COL25A1: variants seen among roughly 807,000 people sequenced by gnomAD.
COL25A1 encodes the protein collagen type XXV alpha 1 chain, also known as collagen alpha-1(XXV) chain.
In COL25A1, 103 loss-of-function variants were observed where a neutral mutation model predicts 128.4. The ratio of observed to expected loss-of-function variants is 0.80; its 90% CI spans 0.68 to 0.94. The LOEUF is 0.94. COL25A1 is among the 40% of genes least tolerant of loss of function. COL25A1 has a pLI of 0.00. For synonymous variants in COL25A1, 279 were observed against 277.2 expected (o/e 1.01, Z -0.06); for missense variants, 745 against 840.0 (o/e 0.89, Z 1.40).
At chr4:108,878,412 G>A (rs911535329) in intron 19 of COL25A1, among the ~76,000 whole-genome samples, 2 of 151,782 alleles carry the variant, frequency 1.3e-5, no homozygotes, top group Non-Finnish European at 2.9e-5. Context: ...CTTGATTAAC[G>A]TGTCTTGACA....
intron 6 of COL25A1, among the ~76,000 whole-genome samples, chr4:108,975,966 A>G (rs1270608477): frequency 6.6e-6 from 1 of 152,098 alleles, no homozygotes; most frequent in Non-Finnish European, 1.5e-5. Context: ...TGTCAGATAT[A>G]TTTACTGCAA....
At chr4:109,300,693 T>G in intron 2 of COL25A1, 41 bp from the exon 3 acceptor site, 1 of 1,381,076 alleles carries the variant, frequency 7.2e-7, no homozygotes, top group South Asian at 1.2e-5. Context: ...TCAGTAGCAC[T>G]GTAGAGGGAT....
At chr4:109,207,505 G>GACAA (rs1777111272) in intron 3 of COL25A1, among the ~76,000 whole-genome samples, 1 of 152,132 alleles carries the variant, frequency 6.6e-6, no homozygotes, top group South Asian at 2.1e-4. Flanking sequence ...TTAAGATATA[G>GACAA]CTCGGGTGTT....
rs112431970 is a variant in COL25A1 at position 109,156,068 on chromosome 4, G to T, written c.368-105889C>A. Among the ~76,000 whole-genome samples the T allele has an allele frequency of 4.6e-5, 7 of 152,278 alleles. 1 individual carries two copies. The highest frequency in any genetic ancestry group is 1.7e-4 in the African/African-American group (7 of 41,562). On this transcript the variant is annotated intron_variant, in intron 3 of 37. Coordinates refer to ENST00000399132, the MANE Select transcript of COL25A1 (RefSeq NM_198721.4). ...CAAGAGGCAGAACTGAGCTGATGCT[G>T]TCAACTGCCGGTGCTGTAGCTCCAA...
At chr4:109,229,316 T>C (rs1416257016) in intron 3 of COL25A1, among the ~76,000 whole-genome samples, 2 of 152,326 alleles carry the variant, frequency 1.3e-5, no homozygotes, top group Admixed American at 1.3e-4. Flanking sequence ...TCTGAACCAT[T>C]GCTCCTAGGG....
intron 5 of COL25A1, among the ~76,000 whole-genome samples, chr4:109,028,580 G>A (rs900167878): frequency 6.6e-6 from 1 of 152,102 alleles, no homozygotes; most frequent in African/African-American, 2.4e-5. Context: ...ACAAAAATTA[G>A]CTGGGCATGG....
intron 5 of COL25A1, among the ~76,000 whole-genome samples, chr4:109,046,352 C>A (rs897988196): frequency 6.6e-6 from 1 of 152,054 alleles, no homozygotes; most frequent in Admixed American, 6.6e-5. Flanking sequence ...CTCAAGAAAG[C>A]GAGAGCTATA....
At chr4:108,945,418 C>A (rs1748611695) in intron 8 of COL25A1, among the ~76,000 whole-genome samples, 1 of 152,170 alleles carries the variant, frequency 6.6e-6, no homozygotes, top group African/African-American at 2.4e-5. Context: ...TGTGGCCATA[C>A]CTGCTAGGCT....
chr4:109,292,222 C>T (rs745418102), intron 3 of COL25A1, among the ~76,000 whole-genome samples: 44 of 152,180 alleles, frequency 2.9e-4, no homozygotes, highest in Middle Eastern at 3.4e-3. Flanking sequence ...GTGTAGCTAA[C>T]ATTGCTTCCA....
At chr4:109,021,952 C>G (rs138153039) in intron 5 of COL25A1, among the ~76,000 whole-genome samples, 1 of 152,140 alleles carries the variant, frequency 6.6e-6, no homozygotes, top group African/African-American at 2.4e-5. Context: ...TTCTGTTTAT[C>G]AAGACAATAC....
At chr4:108,880,777 G>T (rs771372999) in intron 19 of COL25A1, among the ~76,000 whole-genome samples, 1 of 152,134 alleles carries the variant, frequency 6.6e-6, no homozygotes, top group Non-Finnish European at 1.5e-5. Flanking sequence ...GCTCTATCCT[G>T]CTTACTGCTA....
intron 3 of COL25A1, among the ~76,000 whole-genome samples, chr4:109,167,860 T>A (rs1191971975): frequency 6.6e-6 from 1 of 152,160 alleles, no homozygotes; most frequent in Non-Finnish European, 1.5e-5. Flanking sequence ...AAAAAACTCA[T>A]CTATAATTTC....
chr4:108,961,162 G>T (rs921550148), intron 8 of COL25A1, among the ~76,000 whole-genome samples: 3 of 152,056 alleles, frequency 2.0e-5, no homozygotes, highest in Admixed American at 6.6e-5. Flanking sequence ...ACAAGAATAG[G>T]TTCACATTTG....
chr4:109,246,712 C>T (rs1419001745), intron 3 of COL25A1, among the ~76,000 whole-genome samples: 1 of 152,008 alleles, frequency 6.6e-6, no homozygotes, highest in Non-Finnish European at 1.5e-5. Context: ...ATTCTATTCT[C>T]TTTTTCTTAC....
chr4:108,856,569 C>T (rs553972083), intron 24 of COL25A1, among the ~76,000 whole-genome samples: 27 of 152,036 alleles, frequency 1.8e-4, no homozygotes, highest in Non-Finnish European at 3.5e-4. Flanking sequence ...TTCACTAGAG[C>T]ACTATGTTAG....
At chr4:109,180,597 G>A (rs1025973032) in intron 3 of COL25A1, among the ~76,000 whole-genome samples, 7 of 151,928 alleles carry the variant, frequency 4.6e-5, no homozygotes, top group South Asian at 2.1e-4. Context: ...TGGTGATAAC[G>A]ATGATGATTA....
At chr4:108,952,948 C>T (rs1749638285) in intron 8 of COL25A1, among the ~76,000 whole-genome samples, 1 of 136,852 alleles carries the variant, frequency 7.3e-6, no homozygotes, top group Non-Finnish European at 1.5e-5. Context: ...ATTTGCTAAA[C>T]ATCCTTTGTT....
At chr4:109,289,718 C>T (rs1401645698) in intron 3 of COL25A1, among the ~76,000 whole-genome samples, 3 of 152,038 alleles carry the variant, frequency 2.0e-5, no homozygotes, top group Non-Finnish European at 4.4e-5. Context: ...GGGGAGCCCC[C>T]TGAGTAGAAT....
At position 109,170,449 on chromosome 4, in the gene COL25A1, A is replaced by C. The variant is rs191550048; in HGVS notation, c.368-120270T>G. Among the ~76,000 whole-genome samples the C allele has an allele frequency of 1.2e-4, 18 of 152,240 alleles. No homozygotes were observed. In the East Asian group the frequency reaches 3.3e-3, roughly 28 times the overall value. On this transcript the variant is annotated intron_variant, in intron 3 of 37. Transcript: ENST00000399132. ...AGTTTGAACACCAATATTCAGTGTGAACTCTTACTGTCTATGAATGCCTAA... is the reference window on the plus strand; with the variant it reads ...AGTTTGAACACCAATATTCAGTGTGCACTCTTACTGTCTATGAATGCCTAA...
Sources: allele counts gnomAD v4.1 joint callset (sites outside exome capture counted in the v4.1 genomes callset), GRCh38; gene constraint gnomAD v4.1.1; transcripts MANE v1.5; gene names NCBI Gene and HGNC (gene_info 2026-07-23, HGNC 2026-07-21).